Variants in HEATR1 observed in about 807,000 individuals in gnomAD.
HEATR1 encodes HEAT repeat containing 1.
HEATR1 carries 77 observed loss-of-function variants against 248.2 expected under a neutral mutation model. That is an observed-to-expected ratio of 0.31 (90% CI 0.26 to 0.37). HEATR1 has a LOEUF of 0.37. Ranked by LOEUF, HEATR1 falls within the 10% of genes least tolerant of loss-of-function variation. The pLI, the probability that HEATR1 is intolerant of heterozygous loss-of-function variation, is 1.00. For synonymous variants in HEATR1, 897 were observed against 923.1 expected (o/e 0.97, Z 0.51); for missense variants, 2,420 against 2,504.9 (o/e 0.97, Z 0.72).
chr1:236,585,132 C>G lies in HEATR1; in HGVS notation c.2134G>C (p.Val712Leu). ...TCTTTTAAAGATGAACAACAAGAGA[C>G]GAGCACAGACAGGATCACATGAAAC... ...VTFHVILSVLVSCCSSLKETH... is the reference protein window; with the variant it reads ...VTFHVILSVLLSCCSSLKETH... Residue 712 changes from valine to leucine, a missense_variant, in exon 17 of 45, where the codon GTC becomes CTC. Physicochemically the swap from Val to Leu is conservative, Grantham distance 32. Transcript: ENST00000366582. 6.2e-7 allele frequency: 1 copy of G among 1,613,974 alleles called. No individual in the cohort carries two copies. Among genetic ancestry groups the G allele is most frequent in the Non-Finnish European group, 8.5e-7 (1 of 1,179,922 alleles).
intron 12 of HEATR1, among the ~76,000 whole-genome samples, chr1:236,589,498 A>AT (rs59405110): frequency 0.018 from 2,685 of 151,860 alleles, 18 homozygotes; most frequent in Middle Eastern, 0.075. Context: ...TAAAACAAAA[A>AT]TTTTTTTTTA....
intron 20 of HEATR1, among the ~76,000 whole-genome samples, chr1:236,580,207 T>TA (rs1163872840): frequency 2.0e-5 from 3 of 152,186 alleles, no homozygotes; most frequent in East Asian, 3.8e-4. Flanking sequence ...TTCTACATTA[T>TA]AAAAAAACTT....
intron 32 of HEATR1, 53 bp from the exon 33 acceptor site, chr1:236,561,324 T>C (rs1663124894): frequency 1.5e-6 from 2 of 1,375,474 alleles, no homozygotes; most frequent in African/African-American, 1.4e-5. Flanking sequence ...ATAATAAAAG[T>C]CATTTCAAGT....
At chr1:236,567,766 C>G (rs2794780) in intron 29 of HEATR1, among the ~76,000 whole-genome samples, 104,277 of 152,058 alleles carry the variant, frequency 0.69, 36,054 homozygotes, top group Non-Finnish European at 0.72. Flanking sequence ...AGTAATGGCA[C>G]ATGCCAAATA....
intron 20 of HEATR1, among the ~76,000 whole-genome samples, chr1:236,580,797 G>A (rs1026943598): frequency 2.0e-5 from 3 of 149,560 alleles, no homozygotes; most frequent in African/African-American, 7.4e-5. Context: ...GACTATAGGT[G>A]TAAGCCACCT....
intron 28 of HEATR1, among the ~76,000 whole-genome samples, chr1:236,569,660 T>C (rs777863356): frequency 1.3e-5 from 2 of 152,142 alleles, no homozygotes; most frequent in Non-Finnish European, 2.9e-5. Context: ...TGTGAAGAAA[T>C]TGGGAACTTT....
At chr1:236,586,842 G>A (rs2103146885) in intron 14 of HEATR1, among the ~76,000 whole-genome samples, 1 of 151,112 alleles carries the variant, frequency 6.6e-6, no homozygotes, top group Admixed American at 6.6e-5. Flanking sequence ...GTTCACTCAG[G>A]CACTCAAAAA....
At chr1:236,553,481 T>C (rs1662844366) in intron 43 of HEATR1, 100 bp downstream of exon 43, 1 of 1,175,706 alleles carries the variant, frequency 8.5e-7, no homozygotes, top group African/African-American at 1.5e-5. Flanking sequence ...TGTTCTTCCC[T>C]GCCAGTTTAC....
chr1:236,554,615 T>C lies in HEATR1; in HGVS notation c.6061A>G (p.Met2021Val), dbSNP rs1266544715. The change falls in exon 42 of 45, where the codon ATG becomes GTG. Residue 2021 changes from methionine to valine, a missense_variant. Physicochemically the swap from Met to Val is conservative, Grantham distance 21. Transcript: ENST00000366582. ...TTGGTTACCTGATCCACCAGAGGCATCATCAAGGCTTCTGCTCTCTCTTTA... is the reference window on the plus strand; with the variant it reads ...TTGGTTACCTGATCCACCAGAGGCACCATCAAGGCTTCTGCTCTCTCTTTA... ...ISKERAEALM[M>V]PLVDQLENRL... 3.1e-6 allele frequency: 5 copies of C among 1,611,170 alleles called. No homozygotes were observed. The Admixed American group carries it at 6.7e-5, about 22-fold the overall frequency.
Position 236,604,083 on chromosome 1 carries a change from C to G in HEATR1, c.13G>C (p.Ala5Pro), listed in dbSNP as rs767336669. MTSL[A>P]QQLQRLALPQ... Reference sequence around the variant, plus strand: ...AGGGCGAGTCGTTGCAGCTGCTGGGCTAAGGACGTCATCTTTCACGCCAGC... The same window carrying G: ...AGGGCGAGTCGTTGCAGCTGCTGGGGTAAGGACGTCATCTTTCACGCCAGC... Residue 5 changes from alanine (A) to proline (P), a missense_variant, in exon 2 of 45, where the codon GCC becomes CCC. Coordinates refer to ENST00000366582, the MANE Select transcript of HEATR1 (RefSeq NM_018072.6). 7.7e-6 allele frequency: 12 copies of G among 1,565,816 alleles called. No individual in the cohort carries two copies. Among genetic ancestry groups the G allele is most frequent in the Non-Finnish European group, 1.0e-5 (12 of 1,164,020 alleles).
Position 236,557,322 on chromosome 1 carries a change from G to T in HEATR1, c.5228C>A (p.Thr1743Lys). ...GACCAGCTCGCTGGTGTTCTTCATT[G>T]TTGTCAGCAACGATGGCATCAGGCT... is the stretch of plus-strand genomic sequence containing the variant. ...LPSLMPSLLT[T>K]MKNTSELVSS... Residue 1743 changes from threonine to lysine, a missense_variant, in exon 37 of 45, where the codon ACA becomes AAA. By Grantham distance (78) the Thr-to-Lys change is moderately conservative. Coordinates refer to ENST00000366582, the MANE Select transcript of HEATR1 (RefSeq NM_018072.6). 6.2e-7 allele frequency: 1 copy of T among 1,614,108 alleles called. No homozygotes were observed. Among genetic ancestry groups the T allele is most frequent in the East Asian group, 2.2e-5 (1 of 44,878 alleles).
At chr1:236,576,715 T>C (rs1663569542) in intron 21 of HEATR1, 65 bp downstream of exon 21, 3 of 1,428,554 alleles carry the variant, frequency 2.1e-6, no homozygotes, top group Non-Finnish European at 2.9e-6. Flanking sequence ...ATGTCGAGAA[T>C]GGAGAAAATT....
intron 22 of HEATR1, among the ~76,000 whole-genome samples, 199 bp from the exon 23 acceptor site, chr1:236,575,102 A>G (rs1663531849): frequency 6.6e-6 from 1 of 152,182 alleles, no homozygotes; most frequent in Admixed American, 6.5e-5. Context: ...TTCATGTGTA[A>G]TGCTCAAAAG....
At chr1:236,580,304 T>C (rs1280896391) in intron 20 of HEATR1, among the ~76,000 whole-genome samples, 1 of 152,228 alleles carries the variant, frequency 6.6e-6, no homozygotes, top group Non-Finnish European at 1.5e-5. Flanking sequence ...GTTTTGTTTT[T>C]GTTAGCTCAT....
Position 236,572,728 on chromosome 1 carries a change from T to C in HEATR1, c.3560A>G (p.Gln1187Arg). ...TCAATGCATTTGTAGCTCTTACTTC[T>C]GCTGCATTTTTTGCCTTCTTTTTTG... ...VQQKRRQKMQ[Q>R]KKSQDLESVQ... Residue 1187 changes from glutamine to arginine, a missense_variant, in exon 25 of 45, where the codon CAG becomes CGG. Physicochemically the swap from Gln to Arg is conservative, Grantham distance 43 (BLOSUM62 1). Coordinates refer to ENST00000366582, the MANE Select transcript of HEATR1 (RefSeq NM_018072.6). The C allele has an allele frequency of 2.5e-6, 4 of 1,613,730 alleles. No homozygotes were observed. Among genetic ancestry groups the C allele is most frequent in the Non-Finnish European group, 3.4e-6 (4 of 1,179,588 alleles).
intron 12 of HEATR1, among the ~76,000 whole-genome samples, chr1:236,589,722 C>T (rs1169648527): frequency 1.3e-5 from 2 of 152,216 alleles, no homozygotes; most frequent in East Asian, 3.8e-4. Flanking sequence ...ACTCTGTTAA[C>T]CGCTTTACTC....
Position 236,576,225 on chromosome 1 carries a change from G to A in HEATR1, c.3078C>T (p.Asn1026=), listed in dbSNP as rs774027833. The A allele has an allele frequency of 4.4e-5, 70 of 1,596,378 alleles. No individual in the cohort carries two copies. The highest frequency in any genetic ancestry group is 5.4e-5 in the Non-Finnish European group (64 of 1,174,436). Residue 1026 remains asparagine, a synonymous_variant, in exon 22 of 45, where the codon AAC becomes AAT. Transcript: ENST00000366582. ...CCACTTAAATGGCACATACCTCACC[G>A]TTGACTCCCTGAAGTACTTTCATCA... The part of the protein sequence containing the change: ...KDLMKVLQGV[N]GEMVLSQLLP...
intron 31 of HEATR1, 116 bp from the exon 32 acceptor site, chr1:236,564,777 G>T (rs1663225199): frequency 2.0e-6 from 2 of 988,628 alleles, no homozygotes; most frequent in South Asian, 3.7e-5. Flanking sequence ...TTTTCCCAGA[G>T]AAATGTGTTC....
chr1:236,588,140 G>A (rs1171529006), intron 12 of HEATR1, 97 bp from the exon 13 acceptor site: 2 of 831,078 alleles, frequency 2.4e-6, no homozygotes, highest in South Asian at 1.8e-5. Context: ...AAACACTCCA[G>A]AATGACAGTC....
Sources: allele counts gnomAD v4.1 joint callset (sites outside exome capture counted in the v4.1 genomes callset), GRCh38; gene constraint gnomAD v4.1.1; transcripts MANE v1.5; gene names NCBI Gene and HGNC (gene_info 2026-07-23, HGNC 2026-07-21).